Variants in RNF175 observed in about 807,000 individuals in gnomAD.
RNF175 encodes the protein ring finger protein 175.
RNF175 carries 38 observed loss-of-function variants against 50.0 expected under a neutral mutation model. The ratio of observed to expected loss-of-function variants is 0.76; its 90% CI spans 0.59 to 1.00. RNF175 has a LOEUF of 1.00. RNF175 is among the 50% of genes least tolerant of loss of function. RNF175 has a pLI of 0.00. For missense variants in RNF175, 388 were observed against 409.6 expected (o/e 0.95, Z 0.46); for synonymous variants, 155 against 146.1 (o/e 1.06, Z -0.44).
intron 6 of RNF175, among the ~76,000 whole-genome samples, chr4:153,718,225 T>TTG (rs770574554): frequency 1.0e-5 from 1 of 95,884 alleles, no homozygotes; most frequent in African/African-American, 4.3e-5. Flanking sequence ...TTTGTTTGTT[T>TTG]GTTTGTTTGT....
chr4:153,758,088 T>A (rs539943713), intron 1 of RNF175, among the ~76,000 whole-genome samples: 1 of 152,212 alleles, frequency 6.6e-6, no homozygotes, highest in Non-Finnish European at 1.5e-5. Context: ...CACATAGACA[T>A]ACTTCAGGTA....
intron 3 of RNF175, among the ~76,000 whole-genome samples, chr4:153,738,260 A>G (rs917220675): frequency 6.6e-6 from 1 of 151,784 alleles, no homozygotes; most frequent in African/African-American, 2.4e-5. Context: ...ATGTTACCCA[A>G]GCTGGTTTTG....
intron 3 of RNF175, among the ~76,000 whole-genome samples, chr4:153,738,519 T>A (rs1445051241): frequency 1.3e-5 from 2 of 152,200 alleles, no homozygotes; most frequent in African/African-American, 2.4e-5. Flanking sequence ...ATTTTCCTTG[T>A]TCTGAAGTCC....
At chr4:153,752,353 C>T (rs1410187052) in intron 1 of RNF175, among the ~76,000 whole-genome samples, 1 of 152,116 alleles carries the variant, frequency 6.6e-6, no homozygotes, top group Non-Finnish European at 1.5e-5. Flanking sequence ...ACACTTGAGC[C>T]CAGATGTTGT....
At chr4:153,750,437 C>T (rs1234108638) in intron 2 of RNF175, among the ~76,000 whole-genome samples, 2 of 152,134 alleles carry the variant, frequency 1.3e-5, no homozygotes, top group African/African-American at 4.8e-5. Flanking sequence ...GAAATCAGCC[C>T]ACAGAGCCCA....
chr4:153,732,231 C>CA (rs35638181), intron 3 of RNF175, among the ~76,000 whole-genome samples: 146 of 143,764 alleles, frequency 1.0e-3, no homozygotes, highest in South Asian at 1.7e-3. Context: ...GACTCTGTCT[C>CA]AAAAAAAAAA....
chr4:153,732,828 A>T (rs1560782642), intron 3 of RNF175, among the ~76,000 whole-genome samples: 1 of 152,232 alleles, frequency 6.6e-6, no homozygotes, highest in South Asian at 2.1e-4. Context: ...CTTTGCCTAC[A>T]TCTATAACAT....
At chr4:153,710,663 G>T (rs1737508963) in intron 8 of RNF175, among the ~76,000 whole-genome samples, 174 bp from the exon 9 acceptor site, 1 of 152,142 alleles carries the variant, frequency 6.6e-6, no homozygotes, top group Non-Finnish European at 1.5e-5. Flanking sequence ...GGTTGTCATT[G>T]TTACTTACAC....
intron 3 of RNF175, among the ~76,000 whole-genome samples, chr4:153,745,356 C>T (rs1739913259): frequency 6.6e-6 from 1 of 152,200 alleles, no homozygotes; most frequent in African/African-American, 2.4e-5. Flanking sequence ...CCTGCTCTAA[C>T]CATTGAGAAA....
At chr4:153,737,132 A>T (rs1360926687) in intron 3 of RNF175, among the ~76,000 whole-genome samples, 1 of 152,150 alleles carries the variant, frequency 6.6e-6, no homozygotes, top group East Asian at 1.9e-4. Flanking sequence ...TGCTGGGATG[A>T]CAGGTGTGAG....
intron 4 of RNF175, among the ~76,000 whole-genome samples, chr4:153,724,327 C>G (rs2127112585): frequency 6.6e-6 from 1 of 152,332 alleles, no homozygotes; most frequent in African/African-American, 2.4e-5. Flanking sequence ...AGGGCCACAG[C>G]AGAGGGGCTA....
intron 2 of RNF175, among the ~76,000 whole-genome samples, chr4:153,749,692 G>A (rs1740184363): frequency 6.6e-6 from 1 of 152,154 alleles, no homozygotes; most frequent in Non-Finnish European, 1.5e-5. Context: ...TCTTGACCTT[G>A]TCTGTAAGTT....
chr4:153,753,008 C>G (rs1320049581), intron 1 of RNF175, among the ~76,000 whole-genome samples: 1 of 152,098 alleles, frequency 6.6e-6, no homozygotes, highest in Non-Finnish European at 1.5e-5. Flanking sequence ...CTCTCCCTCC[C>G]CAAACACCAC....
chr4:153,720,343 A>G (rs1423222448), intron 5 of RNF175, 39 bp from the exon 6 acceptor site: 3 of 1,580,188 alleles, frequency 1.9e-6, no homozygotes, highest in Non-Finnish European at 1.7e-6. Flanking sequence ...AGAATGTGGC[A>G]TATTTCCAAA....
intron 3 of RNF175, 165 bp downstream of exon 3, chr4:153,748,480 T>C (rs1185196627): frequency 7.2e-6 from 4 of 557,690 alleles, no homozygotes; most frequent in Non-Finnish European, 2.9e-6. Flanking sequence ...TTTCCAGACA[T>C]TGCCAAATGT....
At chr4:153,725,907 AG>A (rs1250084777) in intron 4 of RNF175, among the ~76,000 whole-genome samples, 1 of 152,180 alleles carries the variant, frequency 6.6e-6, no homozygotes, top group Non-Finnish European at 1.5e-5. Flanking sequence ...ACCTATTTTC[AG>A]GAACAGTAGA....
intron 4 of RNF175, among the ~76,000 whole-genome samples, chr4:153,724,556 C>T (rs1399892380): frequency 6.6e-6 from 1 of 152,152 alleles, no homozygotes; most frequent in Non-Finnish European, 1.5e-5. Context: ...TTTAGCCCCA[C>T]CCTCTCACCC....
At chr4:153,724,417 G>A (rs1405806026) in intron 4 of RNF175, among the ~76,000 whole-genome samples, 3 of 152,218 alleles carry the variant, frequency 2.0e-5, no homozygotes, top group Non-Finnish European at 4.4e-5. Context: ...GAGGTGGCTA[G>A]AAAGCTGCTT....
intron 4 of RNF175, among the ~76,000 whole-genome samples, chr4:153,724,997 G>T (rs1272989450): frequency 3.5e-5 from 3 of 85,338 alleles, no homozygotes; most frequent in African/African-American, 1.3e-4. Flanking sequence ...CTGTGTGGGG[G>T]AGCGGGCAGG....
Sources: gnomAD v4.1 joint callset for allele counts (sites outside exome capture counted in the v4.1 genomes callset) on GRCh38, gnomAD v4.1.1 for gene constraint, MANE v1.5 for transcripts, NCBI Gene and HGNC (gene_info 2026-07-23, HGNC 2026-07-21) for gene names.